Variants in TRERF1 observed in about 807,000 individuals in gnomAD.
The protein encoded by TRERF1 is transcriptional regulating factor 1, also known as transcriptional-regulating factor 1.
Under a neutral mutation model 122.9 loss-of-function variants are expected in TRERF1, and 27 were observed. The ratio of observed to expected loss-of-function variants is 0.22; its 90% confidence interval spans 0.16 to 0.30. The LOEUF (loss-of-function observed/expected upper bound fraction) is 0.30. Ranked by LOEUF, TRERF1 falls within the 10% of genes least tolerant of loss-of-function variation. The pLI, the probability that TRERF1 is intolerant of heterozygous loss-of-function variation, is 1.00. For missense variants in TRERF1, 1,248 were observed against 1,560.3 expected (o/e 0.80, Z 3.37); for synonymous variants, 636 against 641.7 (o/e 0.99, Z 0.13).
intron 2 of TRERF1, among the ~76,000 whole-genome samples, chr6:42,446,036 T>C (rs958590589): frequency 6.6e-6 from 1 of 152,234 alleles, no homozygotes; most frequent in African/African-American, 2.4e-5. Context: ...TGCCTCAGCC[T>C]CCCAAGTAGC....
chr6:42,345,188 AT>A (rs1768038173), intron 3 of TRERF1, among the ~76,000 whole-genome samples: 2 of 152,276 alleles, frequency 1.3e-5, no homozygotes, highest in South Asian at 4.1e-4. Flanking sequence ...GAAAATGTTC[AT>A]TGTGGTTCTT....
intron 2 of TRERF1, among the ~76,000 whole-genome samples, chr6:42,419,054 G>A (rs989474059): frequency 6.6e-6 from 1 of 152,196 alleles, no homozygotes; most frequent in African/African-American, 2.4e-5. Context: ...CCGGGTCAAG[G>A]GAAAATGCAC....
At chr6:42,331,468 C>T (rs961926861) in intron 3 of TRERF1, among the ~76,000 whole-genome samples, 3 of 152,162 alleles carry the variant, frequency 2.0e-5, no homozygotes, top group African/African-American at 4.8e-5. Context: ...TGCAGATGTG[C>T]GAGTGGAGGT....
intron 4 of TRERF1, among the ~76,000 whole-genome samples, chr6:42,287,633 C>G (rs1193621382): frequency 6.6e-6 from 1 of 152,176 alleles, no homozygotes; most frequent in Non-Finnish European, 1.5e-5. Context: ...CAACTGGAGA[C>G]CCTTTACCCA....
intron 2 of TRERF1, among the ~76,000 whole-genome samples, chr6:42,418,311 C>G (rs1429140806): frequency 7.5e-6 from 1 of 134,136 alleles, no homozygotes; most frequent in Non-Finnish European, 1.6e-5. Flanking sequence ...CTCTTGTAGC[C>G]CCAGCTAGAG....
chr6:42,383,494 C>T (rs149150384), intron 2 of TRERF1, among the ~76,000 whole-genome samples: 227 of 152,238 alleles, frequency 1.5e-3, no homozygotes, highest in African/African-American at 4.9e-3. Context: ...CCCTTCCTCA[C>T]GTGTTCAACC....
intron 2 of TRERF1, among the ~76,000 whole-genome samples, chr6:42,436,822 T>A (rs1006704229): frequency 0.011 from 1,510 of 131,778 alleles, 26 homozygotes; most frequent in African/African-American, 0.036. Context: ...AAAATATATA[T>A]ATATATATAT....
intron 2 of TRERF1, among the ~76,000 whole-genome samples, chr6:42,394,007 T>C (rs1243396735): frequency 6.6e-6 from 1 of 152,186 alleles, no homozygotes; most frequent in Non-Finnish European, 1.5e-5. Context: ...TTCTTCTCTA[T>C]GATTTCCTAT....
chr6:42,446,795 G>C lies in TRERF1; in HGVS notation c.-454+4382C>G, dbSNP rs574718921. 2.7e-3 allele frequency among the ~76,000 whole-genome samples: 415 copies of C among 152,296 alleles called. 4 individuals are homozygous for C. Among genetic ancestry groups the C allele is most frequent in the African/African-American group, 9.7e-3 (404 of 41,544 alleles). On this transcript the variant is annotated intron_variant, in intron 2 of 17. Transcript: ENST00000372922. The stretch of plus-strand genomic sequence containing the variant: ...AGGTGGGCGGATCACTTGAGGCTAG[G>C]AGTTCAAGACCAGCCTGGTCAACAT...
At chr6:42,405,745 C>T (rs188639815) in intron 2 of TRERF1, among the ~76,000 whole-genome samples, 26 of 149,798 alleles carry the variant, frequency 1.7e-4, no homozygotes, top group African/African-American at 5.9e-4. Context: ...CAGTGAGTTG[C>T]GATCACACCA....
At chr6:42,333,172 T>C (rs1166831031) in intron 3 of TRERF1, among the ~76,000 whole-genome samples, 2 of 152,168 alleles carry the variant, frequency 1.3e-5, no homozygotes, top group African/African-American at 2.4e-5. Flanking sequence ...CGTTTGCTGG[T>C]TGGTGTTAAC....
chr6:42,286,731 T>C (rs1234775289), intron 4 of TRERF1, among the ~76,000 whole-genome samples: 1 of 118,274 alleles, frequency 8.5e-6, no homozygotes, highest in Admixed American at 8.9e-5. Flanking sequence ...GAAGTCAGTG[T>C]GGCGATTCCT....
chr6:42,382,593 C>T (rs752341354), intron 2 of TRERF1, among the ~76,000 whole-genome samples: 41 of 152,046 alleles, frequency 2.7e-4, no homozygotes, highest in Non-Finnish European at 1.0e-4. Context: ...GCCTCCACAC[C>T]TTTTCAGGTG....
At position 42,276,984 on chromosome 6, in the gene TRERF1, C is replaced by T. The variant is rs1781253046; in HGVS notation, c.-258-7136G>A. Reference sequence around the variant, plus strand: ...TCCTCATTAGGAAATAGAGATTGGACCGATTTCACTTTTTGGTTGTCACTG... The same window carrying T: ...TCCTCATTAGGAAATAGAGATTGGATCGATTTCACTTTTTGGTTGTCACTG... On this transcript the variant is annotated intron_variant, in intron 4 of 17. Transcript: ENST00000372922. The surrounding 1 kb of genome is among the most constrained non-coding windows in gnomAD (Gnocchi z 4.3). Among the ~76,000 whole-genome samples the T allele has an allele frequency of 6.6e-6, 1 of 152,148 alleles. No individual in the cohort carries two copies. The highest frequency in any genetic ancestry group is 6.5e-5 in the Admixed American group (1 of 15,274).
chr6:42,289,595 A>G (rs1303049314), intron 4 of TRERF1, among the ~76,000 whole-genome samples: 1 of 152,206 alleles, frequency 6.6e-6, no homozygotes, highest in East Asian at 1.9e-4. Flanking sequence ...TGTAATACTG[A>G]TCATCTAATG....
intron 15 of TRERF1, among the ~76,000 whole-genome samples, chr6:42,238,625 C>T (rs1772825134): frequency 6.6e-6 from 1 of 152,066 alleles, no homozygotes; most frequent in Admixed American, 6.6e-5. Flanking sequence ...ACATGGTGCT[C>T]AGACCCTCGA....
At chr6:42,432,427 A>T (rs1204265835) in intron 2 of TRERF1, among the ~76,000 whole-genome samples, 1 of 152,228 alleles carries the variant, frequency 6.6e-6, no homozygotes, top group Non-Finnish European at 1.5e-5. Context: ...ATATACAAAG[A>T]CATTTGTGGC....
At chr6:42,350,396 G>A (rs770000669) in intron 3 of TRERF1, among the ~76,000 whole-genome samples, 18 of 152,208 alleles carry the variant, frequency 1.2e-4, no homozygotes, top group Non-Finnish European at 2.5e-4. Flanking sequence ...TTCTTTATAA[G>A]CTCTAACACG....
Position 42,376,122 on chromosome 6 carries a change from G to A in TRERF1, c.-453-13043C>T, listed in dbSNP as rs148464036. 2.7e-3 allele frequency among the ~76,000 whole-genome samples: 408 copies of A among 152,278 alleles called. 4 individuals are homozygous for A. The highest frequency in any genetic ancestry group is 9.5e-3 in the African/African-American group (393 of 41,562). ...CCAGATGTTGGGGTCAGCCCAATCA[G>A]TGTGAAGGGGGCCTGGCCACCCCCA... On this transcript the variant is annotated intron_variant, in intron 2 of 17. Transcript: ENST00000372922.
Sources: allele counts gnomAD v4.1 joint callset (sites outside exome capture counted in the v4.1 genomes callset), GRCh38; gene constraint gnomAD v4.1.1; non-coding constraint Gnocchi (gnomAD v3.1); transcripts MANE v1.5; gene names NCBI Gene and HGNC (gene_info 2026-07-23, HGNC 2026-07-21).